Variants in MAP7 observed in about 807,000 individuals in gnomAD.
MAP7 encodes the protein microtubule associated protein 7.
Under a neutral mutation model 94.8 loss-of-function variants are expected in MAP7, and 52 were observed. The observed-to-expected ratio is 0.55, with a 90% CI of 0.44 to 0.69. The LOEUF (loss-of-function observed/expected upper bound fraction) is 0.69. MAP7 is among the 30% of genes least tolerant of loss of function. MAP7 has a pLI of 0.00. For synonymous variants in MAP7, 350 were observed against 357.0 expected, an observed-to-expected ratio of 0.98 and a Z score of 0.22; for missense variants, 940 against 964.6, an observed-to-expected ratio of 0.97 and a Z score of 0.34.
chr6:136,377,735 T>C lies in MAP7; in HGVS notation c.751+20A>G. Reference sequence around the variant, plus strand: ...GGAGGACTTGACCTCATGGGGAAAGTTCCACCTGGACAGTTTTACCTGCTT... The same window carrying C: ...GGAGGACTTGACCTCATGGGGAAAGCTCCACCTGGACAGTTTTACCTGCTT... On this transcript the variant is annotated intron_variant, in intron 7 of 17. Coordinates refer to ENST00000354570, the MANE Select transcript of MAP7 (RefSeq NM_003980.6). 5 of 1,594,892 alleles carry C rather than the reference T, an allele frequency of 3.1e-6. No homozygotes were observed. Among genetic ancestry groups the C allele is most frequent in the Non-Finnish European group, 4.3e-6 (5 of 1,162,640 alleles).
At chr6:136,486,271 T>C (rs1455420478) in intron 1 of MAP7, among the ~76,000 whole-genome samples, 1 of 152,216 alleles carries the variant, frequency 6.6e-6, no homozygotes, top group African/African-American at 2.4e-5. Flanking sequence ...CTACATTATG[T>C]GCCCGGCAAA....
At chr6:136,399,027 C>T (rs1160937133) in intron 3 of MAP7, among the ~76,000 whole-genome samples, 1 of 152,184 alleles carries the variant, frequency 6.6e-6, no homozygotes, top group Non-Finnish European at 1.5e-5. Context: ...AATATCATCA[C>T]TTAACCTCTG....
At chr6:136,363,399 C>T (rs138436625) in intron 10 of MAP7, among the ~76,000 whole-genome samples, 1 of 152,376 alleles carries the variant, frequency 6.6e-6, no homozygotes, top group East Asian at 1.9e-4. Context: ...AAGGCACCAG[C>T]AAGTGCAAGC....
At chr6:136,487,642 G>A (rs1815190703) in intron 1 of MAP7, among the ~76,000 whole-genome samples, 1 of 152,108 alleles carries the variant, frequency 6.6e-6, no homozygotes, top group South Asian at 2.1e-4. Flanking sequence ...CCAGGAGTTC[G>A]AGGCTGCAAT....
At chr6:136,543,342 A>G (rs1055825771) in intron 1 of MAP7, among the ~76,000 whole-genome samples, 2 of 152,230 alleles carry the variant, frequency 1.3e-5, no homozygotes, top group African/African-American at 4.8e-5. Context: ...TGAAAAATTC[A>G]GACTCAAAAG....
At chr6:136,544,195 T>C (rs903680250) in intron 1 of MAP7, among the ~76,000 whole-genome samples, 1 of 152,240 alleles carries the variant, frequency 6.6e-6, no homozygotes, top group Non-Finnish European at 1.5e-5. Context: ...GTGCTGGGAT[T>C]ACAGGCATGA....
chr6:136,446,531 C>T (rs1799408604), intron 1 of MAP7, among the ~76,000 whole-genome samples: 1 of 152,152 alleles, frequency 6.6e-6, no homozygotes, highest in Non-Finnish European at 1.5e-5. Flanking sequence ...AACCTTCATC[C>T]CCTCTCTCCT....
At chr6:136,522,444 C>G (rs1826657392) in intron 1 of MAP7, among the ~76,000 whole-genome samples, 1 of 152,124 alleles carries the variant, frequency 6.6e-6, no homozygotes, top group Non-Finnish European at 1.5e-5. Flanking sequence ...TCCATGTTCT[C>G]TCTTACTGAG....
rs534587869 is a variant in MAP7 at position 136,428,682 on chromosome 6, T to A, written c.68-6883A>T. ...TTCCTAAGGGATAGGACTGGGCCAT[T>A]TTCCTTCAAGGAGCTGATGTCTAGT... On this transcript the variant is annotated intron_variant, in intron 1 of 17. Coordinates refer to ENST00000354570, the MANE Select transcript of MAP7 (RefSeq NM_003980.6). 3.9e-5 allele frequency among the ~76,000 whole-genome samples: 6 copies of A among 152,304 alleles called. No individual in the cohort carries two copies. The South Asian group carries it at 1.2e-3, about 32-fold the overall frequency.
At chr6:136,495,477 CACACACATAA>C (rs1817923250) in intron 1 of MAP7, among the ~76,000 whole-genome samples, 1 of 151,808 alleles carries the variant, frequency 6.6e-6, no homozygotes, top group Non-Finnish European at 1.5e-5. Flanking sequence ...CACACACACA[CACACACATAA>C]ACACACACAC....
rs118135638 is a variant in MAP7 at position 136,424,652 on chromosome 6, C to T, written c.68-2853G>A. ...TCTGCCACTCACTGATTCCTTCCAA[C>T]GTCTTCCCACAAAGGCCTTGGTGTT... is the stretch of plus-strand genomic sequence containing the variant. On this transcript the variant is annotated intron_variant, in intron 1 of 17. Coordinates refer to ENST00000354570, the MANE Select transcript of MAP7 (RefSeq NM_003980.6). Among the ~76,000 whole-genome samples the T allele has an allele frequency of 9.4e-3, 1,437 of 152,348 alleles. 5 individuals are homozygous for T. The highest frequency in any genetic ancestry group is 0.013 in the Non-Finnish European group (868 of 68,036).
At chr6:136,400,195 T>A (rs1295491007) in intron 3 of MAP7, among the ~76,000 whole-genome samples, 2 of 152,054 alleles carry the variant, frequency 1.3e-5, no homozygotes, top group African/African-American at 2.4e-5. Flanking sequence ...GGCGGGCAGA[T>A]CACGAGGTCA....
chr6:136,361,283 A>T, intron 11 of MAP7, 104 bp from the exon 12 acceptor site: 1 of 1,214,046 alleles, frequency 8.2e-7, no homozygotes, highest in South Asian at 1.3e-5. Context: ...TTAGGCGTCC[A>T]GTAGAAAAAT....
chr6:136,494,647 G>T (rs920149997), intron 1 of MAP7, among the ~76,000 whole-genome samples: 1 of 152,046 alleles, frequency 6.6e-6, no homozygotes, highest in Non-Finnish European at 1.5e-5. Flanking sequence ...GTACACTGAG[G>T]CTACAACTAA....
At chr6:136,414,220 T>C (rs1415358460) in intron 2 of MAP7, among the ~76,000 whole-genome samples, 2 of 103,634 alleles carry the variant, frequency 1.9e-5, no homozygotes, top group African/African-American at 3.7e-5. Context: ...GCCACTGCAC[T>C]CCAGCCTGGG....
chr6:136,352,479 C>T (rs542889281), intron 16 of MAP7, among the ~76,000 whole-genome samples: 3 of 152,286 alleles, frequency 2.0e-5, no homozygotes, highest in South Asian at 4.1e-4. Flanking sequence ...AGCCACCACA[C>T]CAGGCCCCTA....
At chr6:136,394,474 G>A (rs1485486691) in intron 3 of MAP7, among the ~76,000 whole-genome samples, 1 of 151,784 alleles carries the variant, frequency 6.6e-6, no homozygotes, top group Non-Finnish European at 1.5e-5. Context: ...GCTATTTATA[G>A]GGTACATATG....
In MAP7 at chr6:136,377,814, G is replaced by C. The variant is rs149503470; in HGVS notation, c.692C>G (p.Thr231Arg). The C allele has an allele frequency of 1.9e-6, 3 of 1,614,138 alleles. No homozygotes were observed. Among genetic ancestry groups the C allele is most frequent in the Admixed American group, 3.3e-5 (2 of 60,014 alleles). The change falls in exon 7 of 18, where the codon ACG becomes AGG. Residue 231 changes from threonine to arginine, a missense_variant. Coordinates refer to ENST00000354570, the MANE Select transcript of MAP7 (RefSeq NM_003980.6). The part of the protein sequence containing the change: ...WESSVVNRLL[T>R]PTHSFLARSK... ...TCTGGCCAGGAACGAATGTGTGGGC[G>C]TCAGGAGTCTGTTAACAACGCTGCT...
intron 1 of MAP7, among the ~76,000 whole-genome samples, chr6:136,497,928 A>C (rs371580545): frequency 9.2e-5 from 14 of 152,006 alleles, no homozygotes; most frequent in African/African-American, 3.4e-4. Flanking sequence ...TCCCCTTTAA[A>C]TTTGGAGCCC....
Sources: gnomAD v4.1 joint callset for allele counts (sites outside exome capture counted in the v4.1 genomes callset) on GRCh38, gnomAD v4.1.1 for gene constraint, MANE v1.5 for transcripts, NCBI Gene and HGNC (gene_info 2026-07-23, HGNC 2026-07-21) for gene names.